NAV3: variants seen among roughly 807,000 people sequenced by gnomAD.
NAV3 encodes the protein neuron navigator 3, also known as pore membrane and/or filament interacting like protein 1.
NAV3 carries 87 observed loss-of-function variants against 244.7 expected under a neutral mutation model. That is an observed-to-expected ratio of 0.36 (90% confidence interval 0.30 to 0.42). NAV3 has a LOEUF of 0.42. NAV3 is among the 20% of genes least tolerant of loss of function. The probability of loss-of-function intolerance (pLI) is 1.00; values close to 1 mark genes in which losing one functional copy is unlikely to be tolerated. For synonymous variants in NAV3, 1,126 were observed against 1,042.2 expected, an observed-to-expected ratio of 1.08 and a Z score of -1.55; for missense variants, 2,663 against 2,893.3, an observed-to-expected ratio of 0.92 and a Z score of 1.83.
chr12:77,655,790 G>C (rs1187284123), intron 2 of NAV3, among the ~76,000 whole-genome samples: 1 of 152,034 alleles, frequency 6.6e-6, no homozygotes, highest in Admixed American at 6.5e-5. Context: ...AGAAGAGAGT[G>C]GGGGCCAATA....
At chr12:78,180,637 C>A (rs1377381754) in intron 29 of NAV3, among the ~76,000 whole-genome samples, 2 of 151,828 alleles carry the variant, frequency 1.3e-5, no homozygotes, top group Non-Finnish European at 2.9e-5. Flanking sequence ...ATAAGCATGT[C>A]GAATGGTTGG....
intron 1 of NAV3, among the ~76,000 whole-genome samples, chr12:77,934,960 A>G (rs1431730042): frequency 6.6e-6 from 1 of 152,194 alleles, no homozygotes; most frequent in African/African-American, 2.4e-5. Flanking sequence ...TTTAACTTCA[A>G]TGAAGAGGCA....
intron 5 of NAV3, among the ~76,000 whole-genome samples, chr12:77,969,427 A>G (rs1892808342): frequency 6.6e-6 from 1 of 152,170 alleles, no homozygotes; most frequent in Non-Finnish European, 1.5e-5. Flanking sequence ...CATACTGGTT[A>G]GGCAAGTATG....
chr12:77,644,465 G>A (rs1464393995), intron 2 of NAV3, among the ~76,000 whole-genome samples: 2 of 151,876 alleles, frequency 1.3e-5, no homozygotes, highest in African/African-American at 4.8e-5. Context: ...AATTATCAGG[G>A]GCTTAAGAAG....
intron 12 of NAV3, among the ~76,000 whole-genome samples, chr12:78,060,932 G>A (rs1884237204): frequency 6.6e-6 from 1 of 152,176 alleles, no homozygotes; most frequent in African/African-American, 2.4e-5. Context: ...GGGACAGTGG[G>A]ATAATCAACT....
In NAV3 at chr12:77,755,757, A is replaced by G. The variant is rs557947130; in HGVS notation, c.72+183491A>G. 1.2e-3 allele frequency among the ~76,000 whole-genome samples: 169 copies of G among 138,906 alleles called. 1 individual carries two copies. Among genetic ancestry groups the G allele is most frequent in the African/African-American group, 4.6e-3 (168 of 36,582 alleles). 91.1% of individuals were successfully genotyped at this position (138,906 alleles called of 152,430 possible). A position where few individuals can be genotyped will look rare whatever the true frequency, so the allele number is the denominator to read the frequency against. ...TCTTTTCCTTTTTCTTTTCTTCGTC[A>G]GGGTCTTGCCTTGTCACTCAGGGTG... On this transcript the variant is annotated intron_variant, in intron 2 of 8. Transcript: ENST00000550042.
At chr12:77,777,547 G>A (rs1349160921) in intron 2 of NAV3, among the ~76,000 whole-genome samples, 2 of 152,190 alleles carry the variant, frequency 1.3e-5, no homozygotes, top group Non-Finnish European at 2.9e-5. Flanking sequence ...TCAGAATGGA[G>A]TGCAATTTAA....
In NAV3 at chr12:77,831,610, C is replaced by G. The variant is rs754102154; in HGVS notation, c.149C>G (p.Ser50Cys). The change falls in exon 1 of 40, where the codon TCC becomes TGC. Residue 50 changes from serine (S) to cysteine (C), a missense_variant. Transcript: ENST00000397909. ...RPLELTETES[S>C]MLSCQLALKS... ...TTGGAACTTACTGAAACAGAGAGCT[C>G]CATGCTTTCTTGTCAGCTTGCGTTA... is the stretch of plus-strand genomic sequence containing the variant. The G allele has an allele frequency of 6.2e-7, 1 of 1,613,950 alleles. No individual in the cohort carries two copies. Among genetic ancestry groups the G allele is most frequent in the Non-Finnish European group, 8.5e-7 (1 of 1,179,916 alleles).
intron 9 of NAV3, among the ~76,000 whole-genome samples, chr12:78,023,231 A>G (rs987321052): frequency 2.6e-5 from 4 of 152,222 alleles, no homozygotes; most frequent in African/African-American, 9.6e-5. Context: ...TGAATTTCAC[A>G]AAGGAACACT....
chr12:78,092,378 G>A (rs1424258583), intron 12 of NAV3, among the ~76,000 whole-genome samples: 1 of 151,584 alleles, frequency 6.6e-6, no homozygotes, highest in Non-Finnish European at 1.5e-5. Context: ...TTGAGGGAGG[G>A]CCATAGTGTA....
intron 12 of NAV3, among the ~76,000 whole-genome samples, chr12:78,087,797 T>C (rs1300589737): frequency 6.6e-6 from 1 of 151,970 alleles, no homozygotes; most frequent in African/African-American, 2.4e-5. Flanking sequence ...TAGATTTAAT[T>C]AGGGGTCTAT....
intron 2 of NAV3, among the ~76,000 whole-genome samples, chr12:77,789,819 A>AG (rs949249963): frequency 1.4e-5 from 2 of 141,496 alleles, no homozygotes; most frequent in African/African-American, 5.7e-5. Flanking sequence ...TCGAAAAGAA[A>AG]AAAAAAAAAA....
At chr12:78,036,044 T>G (rs564268970) in intron 9 of NAV3, among the ~76,000 whole-genome samples, 11 of 152,092 alleles carry the variant, frequency 7.2e-5, no homozygotes, top group Non-Finnish European at 1.6e-4. Context: ...TGTGAGGGTG[T>G]GAGTGTGTGT....
Position 78,059,010 on chromosome 12 carries a change from G to T in NAV3, c.2531G>T (p.Gly844Val), listed in dbSNP as rs1028398880. 6 of 1,601,926 alleles carry T rather than the reference G, an allele frequency of 3.7e-6. No homozygotes were observed. Among genetic ancestry groups the T allele is most frequent in the Admixed American group, 1.7e-5 (1 of 57,484 alleles). ...TTTCTTTTCAGGTACATGACAGATG[G>T]AGGACTTAACCTATATACTAGAAGT... ...DDINSGYMTDGGLNLYTRSLN... is the reference protein window; with the variant it reads ...DDINSGYMTDVGLNLYTRSLN... The change falls in exon 12 of 40, where the codon GGA (glycine) becomes GTA (valine). Residue 844 changes from glycine (G) to valine (V), a missense_variant. Around this residue, in one of 6 missense-constraint regions of NAV3, gnomAD observed 1,521 missense variants for 1,497.0 expected, o/e 1.02. Coordinates refer to ENST00000397909, the MANE Select transcript of NAV3 (RefSeq NM_001024383.2).
intron 2 of NAV3, among the ~76,000 whole-genome samples, chr12:77,621,477 C>CTT (rs1217567447): frequency 7.4e-5 from 10 of 135,078 alleles, no homozygotes; most frequent in Non-Finnish European, 1.4e-4. Context: ...TTTCTCTTCT[C>CTT]TTTTTTTTTT....
At chr12:78,200,625 T>TTTA in intron 38 of NAV3, 34 bp downstream of exon 38, 1 of 1,036,808 alleles carries the variant, frequency 9.6e-7, no homozygotes, top group South Asian at 2.1e-5. Flanking sequence ...TATTTTTTTT[T>TTTA]AAAAAAAAAA....
intron 20 of NAV3, among the ~76,000 whole-genome samples, chr12:78,144,744 T>G (rs1465289069): frequency 6.6e-6 from 1 of 151,198 alleles, no homozygotes; most frequent in East Asian, 1.9e-4. Flanking sequence ...ATACATGAAT[T>G]ATTTATTGAT....
intron 2 of NAV3, among the ~76,000 whole-genome samples, chr12:77,608,320 G>C (rs573589462): frequency 6.6e-6 from 1 of 152,174 alleles, no homozygotes; most frequent in African/African-American, 2.4e-5. Context: ...CATATTTGTT[G>C]TTGTAAACAA....
At chr12:78,170,111 C>T (rs1957942359) in intron 24 of NAV3, among the ~76,000 whole-genome samples, 2 of 151,598 alleles carry the variant, frequency 1.3e-5, no homozygotes, top group Admixed American at 1.3e-4. Flanking sequence ...GGTCTCCAGG[C>T]CAGGCTCTGT....
Sources: gnomAD v4.1 joint callset for allele counts (sites outside exome capture counted in the v4.1 genomes callset) on GRCh38, gnomAD v4.1.1 for gene constraint, gnomAD v4.1.1 regional missense constraint, MANE v1.5 for transcripts, NCBI Gene and HGNC (gene_info 2026-07-23, HGNC 2026-07-21) for gene names.